The following RSBN1L variants were observed in gnomAD, a reference collection of about 807,000 sequenced individuals.
The protein encoded by RSBN1L is round spermatid basic protein 1 like.
In RSBN1L, 30 loss-of-function variants were observed where a neutral mutation model predicts 67.7. The observed-to-expected ratio is 0.44, with a 90% confidence interval of 0.33 to 0.60. RSBN1L has a LOEUF of 0.60. Among genes scored for constraint, RSBN1L ranks in the 20% least tolerant of loss-of-function variants. RSBN1L has a pLI of 0.02. For synonymous variants in RSBN1L, 433 were observed against 387.0 expected, an observed-to-expected ratio of 1.12 and a Z score of -1.39; for missense variants, 992 against 1,031.7, an observed-to-expected ratio of 0.96 and a Z score of 0.53.
intron 1 of RSBN1L, among the ~76,000 whole-genome samples, chr7:77,735,128 G>T (rs1338864718): frequency 6.6e-6 from 1 of 151,252 alleles, no homozygotes; most frequent in Non-Finnish European, 1.5e-5. Context: ...TATTATTAAT[G>T]ATTGAAGTTT....
intron 1 of RSBN1L, among the ~76,000 whole-genome samples, chr7:77,733,400 C>T (rs1029138215): frequency 1.3e-5 from 2 of 152,146 alleles, no homozygotes; most frequent in Non-Finnish European, 2.9e-5. Flanking sequence ...TTGGCTTTGC[C>T]ATTGTTTTTG....
At chr7:77,713,348 C>T (rs1384899647) in intron 1 of RSBN1L, among the ~76,000 whole-genome samples, 1 of 151,048 alleles carries the variant, frequency 6.6e-6, no homozygotes, top group Non-Finnish European at 1.5e-5. Context: ...GCTTTTATTT[C>T]TCTCTCTTCC....
chr7:77,720,459 C>T (rs1791100028), intron 1 of RSBN1L, among the ~76,000 whole-genome samples: 1 of 152,026 alleles, frequency 6.6e-6, no homozygotes. Flanking sequence ...ACTCGGGAGG[C>T]TGAGGCAGAG....
chr7:77,752,677 A>G (rs548196453), intron 3 of RSBN1L, among the ~76,000 whole-genome samples: 1 of 152,334 alleles, frequency 6.6e-6, no homozygotes, highest in Non-Finnish European at 1.5e-5. Context: ...ATGACATAGT[A>G]TACATATTAT....
intron 2 of RSBN1L, among the ~76,000 whole-genome samples, chr7:77,742,497 A>C (rs1791426780): frequency 6.6e-6 from 1 of 152,070 alleles, no homozygotes; most frequent in Non-Finnish European, 1.5e-5. Flanking sequence ...TGCCTACCAC[A>C]AACTAAAATT....
chr7:77,776,338 CAG>C (rs368810681), intron 6 of RSBN1L, among the ~76,000 whole-genome samples: 38 of 152,300 alleles, frequency 2.5e-4, no homozygotes, highest in African/African-American at 8.2e-4. Flanking sequence ...AGTATATTCA[CAG>C]AGTTATGCAA....
chr7:77,721,516 C>T (rs7782728), intron 1 of RSBN1L, among the ~76,000 whole-genome samples: 87,344 of 151,972 alleles, frequency 0.57, 26,979 homozygotes, highest in African/African-American at 0.81. Context: ...CATTTGTGAT[C>T]ATGGGCATCA....
chr7:77,725,129 C>T (rs1490607936), intron 1 of RSBN1L, among the ~76,000 whole-genome samples: 2 of 149,098 alleles, frequency 1.3e-5, no homozygotes, highest in East Asian at 4.0e-4. Flanking sequence ...CAGGCATGAG[C>T]CACTGCGCCC....
At position 77,743,311 on chromosome 7, in the gene RSBN1L, T is replaced by A. The variant is rs565106452; in HGVS notation, c.704-6113T>A. ...AACTCCTTGATGCTCAGTCTAAGAATCTCTTGGCCAGGTGCAGTGGCTCAT... is the reference window on the plus strand; with the variant it reads ...AACTCCTTGATGCTCAGTCTAAGAAACTCTTGGCCAGGTGCAGTGGCTCAT... On this transcript the variant is annotated intron_variant, in intron 2 of 7. Coordinates refer to ENST00000334955, the MANE Select transcript of RSBN1L (RefSeq NM_198467.3). Among the ~76,000 whole-genome samples the A allele has an allele frequency of 7.2e-5, 11 of 152,152 alleles. No homozygotes were observed. In the East Asian group the frequency reaches 2.1e-3, roughly 29 times the overall value.
At chr7:77,777,595 C>T (rs182784846) in intron 6 of RSBN1L, among the ~76,000 whole-genome samples, 161 of 151,896 alleles carry the variant, frequency 1.1e-3, no homozygotes, top group African/African-American at 3.7e-3. Context: ...TATGGTCAGT[C>T]TTATCCTTCT....
rs1209692924 is a variant in RSBN1L at position 77,781,199 on chromosome 7, A to G, written c.*2031A>G. 2 of 152,214 alleles carry G rather than the reference A, an allele frequency of 1.3e-5. No homozygotes were observed. The allele number at this position is 152,214 out of a possible 1,614,324, so 9.4% of individuals were successfully genotyped here. Reference sequence around the variant, plus strand: ...TAGGCAAATATCATAGGAAATCTTCATGGTTTGTAGGAAATCAGTGTTTGC... The same window carrying G: ...TAGGCAAATATCATAGGAAATCTTCGTGGTTTGTAGGAAATCAGTGTTTGC... On this transcript the variant is annotated 3_prime_UTR_variant, in exon 8 of 8. Transcript: ENST00000334955.
At chr7:77,714,003 C>T (rs1414042287) in intron 1 of RSBN1L, among the ~76,000 whole-genome samples, 1 of 152,098 alleles carries the variant, frequency 6.6e-6, no homozygotes, top group Non-Finnish European at 1.5e-5. Context: ...ATTGACTAGT[C>T]CTTCCTTTCC....
At chr7:77,704,676 G>A (rs988841796) in intron 1 of RSBN1L, among the ~76,000 whole-genome samples, 1 of 151,736 alleles carries the variant, frequency 6.6e-6, no homozygotes, top group African/African-American at 2.4e-5. Flanking sequence ...AACTAATAGT[G>A]CTTATAAAGT....
chr7:77,737,564 G>A (rs1791353438), intron 2 of RSBN1L, among the ~76,000 whole-genome samples: 2 of 151,952 alleles, frequency 1.3e-5, no homozygotes, highest in Non-Finnish European at 1.5e-5. Context: ...ATACGTCAGA[G>A]CTTAAGTTGA....
chr7:77,757,066 A>G (rs554090965), intron 3 of RSBN1L, among the ~76,000 whole-genome samples: 1 of 152,324 alleles, frequency 6.6e-6, no homozygotes, highest in East Asian at 1.9e-4. Flanking sequence ...TTAAATTACA[A>G]TCAGGGCAAC....
intron 1 of RSBN1L, among the ~76,000 whole-genome samples, chr7:77,719,337 A>G (rs1791086855): frequency 6.6e-6 from 1 of 152,256 alleles, no homozygotes; most frequent in East Asian, 1.9e-4. Context: ...AAGTACAACG[A>G]GAGTCTGGTT....
intron 1 of RSBN1L, among the ~76,000 whole-genome samples, chr7:77,699,422 AT>A (rs1267615211): frequency 1.3e-5 from 2 of 152,224 alleles, no homozygotes; most frequent in Admixed American, 6.5e-5. Context: ...GAACTGCTTT[AT>A]TTTTACATTG....
At chr7:77,731,304 C>T (rs1190832508) in intron 1 of RSBN1L, among the ~76,000 whole-genome samples, 1 of 152,130 alleles carries the variant, frequency 6.6e-6, no homozygotes, top group South Asian at 2.1e-4. Context: ...ACCTCTGTCT[C>T]CTGGACTCAA....
At chr7:77,757,962 C>A (rs1791641696) in intron 3 of RSBN1L, among the ~76,000 whole-genome samples, 2 of 151,492 alleles carry the variant, frequency 1.3e-5, no homozygotes. Flanking sequence ...GTTATTTATT[C>A]ATTTTACTTT....
Sources: gnomAD v4.1 joint callset for allele counts (sites outside exome capture counted in the v4.1 genomes callset) on GRCh38, gnomAD v4.1.1 for gene constraint, MANE v1.5 for transcripts, NCBI Gene and HGNC (gene_info 2026-07-23, HGNC 2026-07-21) for gene names.